MYO16: variants seen among roughly 807,000 people sequenced by gnomAD.
The protein encoded by MYO16 is myosin XVI.
A neutral mutation model predicts 205.3 loss-of-function variants in MYO16; 94 were observed. The ratio of observed to expected loss-of-function variants is 0.46; its 90% CI spans 0.39 to 0.54. The LOEUF (loss-of-function observed/expected upper bound fraction) is 0.54. Among genes scored for constraint, MYO16 ranks in the 20% least tolerant of loss-of-function variants. The pLI, the probability that MYO16 is intolerant of heterozygous loss-of-function variation, is 0.00. For missense variants in MYO16, 2,315 were observed against 2,387.5 expected (o/e 0.97, Z 0.63); for synonymous variants, 988 against 954.0 (o/e 1.04, Z -0.66).
intron 23 of MYO16, among the ~76,000 whole-genome samples, chr13:109,024,218 C>T (rs1482481172): frequency 6.6e-6 from 1 of 151,388 alleles, no homozygotes; most frequent in Non-Finnish European, 1.5e-5. Context: ...ATTTTTCAGG[C>T]TATATTTTCT....
At chr13:109,083,808 G>A (rs1290388539) in intron 27 of MYO16, among the ~76,000 whole-genome samples, 3 of 152,114 alleles carry the variant, frequency 2.0e-5, no homozygotes, top group Non-Finnish European at 4.4e-5. Context: ...AGTTTTCAAG[G>A]GCACCAGCAT....
intron 34 of MYO16, among the ~76,000 whole-genome samples, chr13:109,198,451 T>C (rs1421602810): frequency 2.6e-5 from 4 of 152,198 alleles, no homozygotes; most frequent in African/African-American, 4.8e-5. Flanking sequence ...TTTCTTCCTG[T>C]AGAACTTTAT....
Position 109,055,122 on chromosome 13 carries a change from T to A in MYO16, c.3125T>A (p.Leu1042His). The A allele has an allele frequency of 6.3e-7, 1 of 1,578,200 alleles. No individual in the cohort carries two copies. The highest frequency in any genetic ancestry group is 8.6e-7 in the Non-Finnish European group (1 of 1,164,706). ...GATCCAGTCACCATAGCATCACAACTCAGGGTTAGTGACGTTTTCAGATTT... is the reference window on the plus strand; with the variant it reads ...GATCCAGTCACCATAGCATCACAACACAGGGTTAGTGACGTTTTCAGATTT... ...RGDPVTIASQLRKSLMDIIGK... is the reference protein window; with the variant it reads ...RGDPVTIASQHRKSLMDIIGK... Residue 1042 changes from leucine to histidine, a missense_variant, in exon 26 of 35, where the codon CTC (leucine) becomes CAC (histidine). Transcript: ENST00000457511. The surrounding 1 kb of genome is among the most constrained non-coding windows in gnomAD (Gnocchi z 5.0).
chr13:108,812,420 A>G (rs1183687765), intron 7 of MYO16, among the ~76,000 whole-genome samples: 1 of 152,206 alleles, frequency 6.6e-6, no homozygotes. Context: ...GAGAGAATCA[A>G]TAAATGCCCT....
At chr13:109,000,079 T>C (rs546183841) in intron 21 of MYO16, among the ~76,000 whole-genome samples, 1 of 152,300 alleles carries the variant, frequency 6.6e-6, no homozygotes, top group Admixed American at 6.5e-5. Flanking sequence ...CAAAGCTTAG[T>C]AAGGAGAATT....
intron 27 of MYO16, among the ~76,000 whole-genome samples, chr13:109,092,423 C>G (rs1888652271): frequency 6.6e-6 from 1 of 152,158 alleles, no homozygotes; most frequent in East Asian, 1.9e-4. Flanking sequence ...GAGGTCATGT[C>G]GTTTGTGGAA....
At chr13:108,678,900 T>C (rs973419894) in intron 2 of MYO16, among the ~76,000 whole-genome samples, 3 of 151,964 alleles carry the variant, frequency 2.0e-5, no homozygotes, top group African/African-American at 7.3e-5. Flanking sequence ...AGGTCGGGGG[T>C]CTGGCAAGTT....
chr13:108,679,712 A>C (rs1045806104), intron 2 of MYO16, among the ~76,000 whole-genome samples: 9 of 83,788 alleles, frequency 1.1e-4, no homozygotes, highest in Admixed American at 8.1e-4. Context: ...TTGGTTCTGC[A>C]AAAAAAAAAA....
the MYO16 span, among the ~76,000 whole-genome samples, chr13:108,510,958 G>A: frequency 2.0e-4 from 6 of 29,514 alleles, no homozygotes; most frequent in African/African-American, 8.7e-4. Flanking sequence ...CTTTATAGCA[G>A]CATGATTTAT....
At chr13:108,733,716 ACT>A (rs2139596475) in intron 4 of MYO16, among the ~76,000 whole-genome samples, 1 of 152,342 alleles carries the variant, frequency 6.6e-6, no homozygotes, top group East Asian at 1.9e-4. Context: ...TAATCCCAGC[ACT>A]TTGGGAGGCC....
At chr13:109,049,280 G>A (rs1409568968) in intron 24 of MYO16, among the ~76,000 whole-genome samples, 4 of 152,070 alleles carry the variant, frequency 2.6e-5, no homozygotes, top group Non-Finnish European at 4.4e-5. Context: ...AGAGAAATAT[G>A]CCTCTTCACC....
At chr13:108,643,809 C>T (rs1026883203) in intron 1 of MYO16, among the ~76,000 whole-genome samples, 3 of 152,138 alleles carry the variant, frequency 2.0e-5, no homozygotes, top group Non-Finnish European at 2.9e-5. Context: ...TTTTATTTGC[C>T]TCAGGTAAAC....
At chr13:109,157,577 G>A (rs1878131707) in intron 32 of MYO16, among the ~76,000 whole-genome samples, 1 of 152,170 alleles carries the variant, frequency 6.6e-6, no homozygotes, top group Non-Finnish European at 1.5e-5. Flanking sequence ...ATTTTGCAGA[G>A]CTCCCATCCC....
In MYO16 at chr13:108,791,004, A is replaced by T. The variant is rs117536418; in HGVS notation, c.617-2512A>T. On this transcript the variant is annotated intron_variant, in intron 5 of 34. Coordinates refer to ENST00000457511, the MANE Select transcript of MYO16 (RefSeq NM_001198950.3). Reference sequence around the variant, plus strand: ...AAGTTAACAAAATAACTTAAGAGTGACTATCAGATTCTTGTGCTACTTTAG... The same window carrying T: ...AAGTTAACAAAATAACTTAAGAGTGTCTATCAGATTCTTGTGCTACTTTAG... Among the ~76,000 whole-genome samples, 206 of 152,358 alleles carry T rather than the reference A, an allele frequency of 1.4e-3. 3 individuals are homozygous for T. The East Asian group carries it at 0.034, about 25-fold the overall frequency.
chr13:109,063,761 T>G (rs1243212673), intron 27 of MYO16, among the ~76,000 whole-genome samples: 1 of 143,182 alleles, frequency 7.0e-6, no homozygotes, highest in Non-Finnish European at 1.5e-5. Flanking sequence ...AATTTTGGAA[T>G]TAAGTTTATG....
the MYO16 span, among the ~76,000 whole-genome samples, chr13:108,509,527 C>T: frequency 2.0e-5 from 3 of 152,182 alleles, no homozygotes; most frequent in East Asian, 1.9e-4. Flanking sequence ...ACTCTTTCCT[C>T]ATAATGTAGT....
chr13:108,559,463 T>C, the MYO16 span, among the ~76,000 whole-genome samples: 2 of 142,140 alleles, frequency 1.4e-5, no homozygotes, highest in East Asian at 4.1e-4. Flanking sequence ...TTTTTTCTTT[T>C]TCTTTTCTTT....
At chr13:108,750,097 G>A (rs887028917) in intron 4 of MYO16, among the ~76,000 whole-genome samples, 6 of 152,214 alleles carry the variant, frequency 3.9e-5, no homozygotes, top group Non-Finnish European at 7.3e-5. Flanking sequence ...CCAGGGATTT[G>A]GAGATCGAAG....
chr13:108,841,300 C>T (rs746549182), intron 9 of MYO16, among the ~76,000 whole-genome samples: 10 of 152,102 alleles, frequency 6.6e-5, no homozygotes, highest in African/African-American at 9.7e-5. Flanking sequence ...AAATATGTCC[C>T]GCTAAATGAA....
Sources: gnomAD v4.1 joint callset for allele counts (sites outside exome capture counted in the v4.1 genomes callset) on GRCh38, gnomAD v4.1.1 for gene constraint, Gnocchi (gnomAD v3.1) non-coding constraint, MANE v1.5 for transcripts, NCBI Gene and HGNC (gene_info 2026-07-23, HGNC 2026-07-21) for gene names.